The following HCRTR1 variants were observed in gnomAD, a reference collection of about 807,000 sequenced individuals.
HCRTR1 encodes hypocretin receptor 1, also known as orexin/Hypocretin receptor type 1.
In HCRTR1, 28 loss-of-function variants were observed where a neutral mutation model predicts 40.6. The observed-to-expected ratio is 0.69, with a 90% CI of 0.51 to 0.95. HCRTR1 has a LOEUF of 0.95. Among genes scored for constraint, HCRTR1 ranks in the 40% least tolerant of loss-of-function variants. The probability of loss-of-function intolerance (pLI) is 0.00; values close to 1 mark genes in which losing one functional copy is unlikely to be tolerated. For synonymous variants in HCRTR1, 209 were observed against 230.0 expected (o/e 0.91, Z 0.83); for missense variants, 482 against 564.7 (o/e 0.85, Z 1.48).
At chr1:31,619,439 T>A in intron 3 of HCRTR1, 48 bp downstream of exon 3, 1 of 1,612,590 alleles carries the variant, frequency 6.2e-7, no homozygotes, top group Non-Finnish European at 8.5e-7. Flanking sequence ...CCCTGGGGAT[T>A]GAAGGGGGTT....
chr1:31,620,084 GC>G, intron 4 of HCRTR1, among the ~76,000 whole-genome samples: 1 of 152,362 alleles, frequency 6.6e-6, no homozygotes, highest in East Asian at 1.9e-4. Flanking sequence ...GACGTGAGGG[GC>G]CTGATGGAAA....
intron 7 of HCRTR1, 101 bp downstream of exon 7, chr1:31,623,850 T>G: frequency 1.2e-6 from 1 of 835,808 alleles, no homozygotes; most frequent in Non-Finnish European, 1.9e-6. Flanking sequence ...TTCTCCACTA[T>G]GTGATCTTGG....
downstream of HCRTR1, among the ~76,000 whole-genome samples, chr1:31,628,267 T>C (rs1640018346): frequency 6.6e-6 from 1 of 152,208 alleles, no homozygotes; most frequent in Non-Finnish European, 1.5e-5. Context: ...CCAGGAGTGT[T>C]GAAGCACTGC....
At chr1:31,629,240 A>G (rs953109617), downstream of HCRTR1, among the ~76,000 whole-genome samples, 1 of 152,244 alleles carries the variant, frequency 6.6e-6, no homozygotes, top group South Asian at 2.1e-4. Context: ...ACTGACCTGC[A>G]AAACAGTCAT....
chr1:31,629,563 G>T (rs143578016), downstream of HCRTR1, among the ~76,000 whole-genome samples: 1 of 152,254 alleles, frequency 6.6e-6, no homozygotes, highest in East Asian at 1.9e-4. Context: ...TGAGAAAATA[G>T]AAAAGGCCAG....
downstream of HCRTR1, among the ~76,000 whole-genome samples, chr1:31,629,472 A>T (rs1052935890): frequency 6.6e-6 from 1 of 152,232 alleles, no homozygotes; most frequent in Non-Finnish European, 1.5e-5. Context: ...ACTTGCAAGT[A>T]CAGATGTCTG....
chr1:31,623,306 A>G (rs1639899594), intron 6 of HCRTR1, among the ~76,000 whole-genome samples: 1 of 151,974 alleles, frequency 6.6e-6, no homozygotes. Context: ...CAAAAAAAAA[A>G]AAAAAAGAAA....
At chr1:31,633,233 A>C, downstream of HCRTR1, 1 of 1,614,070 alleles carries the variant, frequency 6.2e-7, no homozygotes, top group Non-Finnish European at 8.5e-7. Context: ...TAGCTCCTTC[A>C]TGGAGATATA....
In HCRTR1 at chr1:31,617,816, G is replaced by A. The variant is rs1639763281; in HGVS notation, c.-269G>A. 6.6e-6 allele frequency: 1 copy of A among 152,174 alleles called. No individual in the cohort carries two copies. The highest frequency in any genetic ancestry group is 1.5e-5 in the Non-Finnish European group (1 of 68,024). 9.4% of individuals were successfully genotyped at this position (152,174 alleles called of 1,614,324 possible). A position where few individuals can be genotyped will look rare whatever the true frequency, so the allele number is the denominator to read the frequency against. ...AGAGGCTCGGCCTTCCTCGCAGGAA[G>A]GCGAAGTCCCCGGTGCCAGGTCCGG... On this transcript the variant is annotated 5_prime_UTR_variant, in exon 1 of 9. Transcript: ENST00000403528.
chr1:31,626,817 C>T lies in HCRTR1; in HGVS notation c.1115C>T (p.Ala372Val), dbSNP rs1435714128. Residue 372 changes from alanine (A) to valine (V), a missense_variant, in exon 9 of 9, where the codon GCC becomes GTC. By Grantham distance (64) the Ala-to-Val change is moderately conservative. Transcript: ENST00000403528. This position sits in a 1 kb window ranked among gnomAD's most constrained non-coding sequence, Gnocchi z 4.6. ...SGKFREQFKAAFSCCLPGLGP... is the reference protein window; with the variant it reads ...SGKFREQFKAVFSCCLPGLGP... Reference sequence around the variant, plus strand: ...AAATTCCGGGAGCAGTTTAAGGCTGCCTTCTCCTGCTGCCTGCCTGGCCTG... The same window carrying T: ...AAATTCCGGGAGCAGTTTAAGGCTGTCTTCTCCTGCTGCCTGCCTGGCCTG... The T allele has an allele frequency of 6.2e-7, 1 of 1,613,920 alleles. No homozygotes were observed. Among genetic ancestry groups the T allele is most frequent in the African/African-American group, 1.3e-5 (1 of 74,922 alleles).
In HCRTR1 at chr1:31,625,258, A is replaced by G; in HGVS notation, c.1087+140A>G. On this transcript the variant is annotated intron_variant, in intron 8 of 8. Coordinates refer to ENST00000403528, the MANE Select transcript of HCRTR1 (RefSeq NM_001525.3). The surrounding 1 kb of genome is among the most constrained non-coding windows in gnomAD (Gnocchi z 4.2). ...GTGGGCACAGTGATCCTGCTCTGGG[A>G]GGACCCACCCCAAGCGGCCCTGGCC... 1 of 1,090,954 alleles carries G rather than the reference A, an allele frequency of 9.2e-7. No individual in the cohort carries two copies. The highest frequency in any genetic ancestry group is 1.3e-6 in the Non-Finnish European group (1 of 793,684). 67.6% of individuals were successfully genotyped at this position (1,090,954 alleles called of 1,614,324 possible). A position where few individuals can be genotyped will look rare whatever the true frequency, so the allele number is the denominator to read the frequency against.
At chr1:31,630,255 A>C (rs1640057734), downstream of HCRTR1, 1 of 311,182 alleles carries the variant, frequency 3.2e-6, no homozygotes, top group Non-Finnish European at 6.3e-6. Context: ...TAACGGTAAC[A>C]GGCCGATGAA....
At chr1:31,630,879 A>T, downstream of HCRTR1, 2 of 1,507,762 alleles carry the variant, frequency 1.3e-6, 1 homozygote, top group Non-Finnish European at 1.8e-6. Flanking sequence ...ACACACAAAA[A>T]CCTGCCATGA....
At chr1:31,629,109 A>C (rs189598830), downstream of HCRTR1, among the ~76,000 whole-genome samples, 2 of 152,324 alleles carry the variant, frequency 1.3e-5, no homozygotes, top group Admixed American at 6.5e-5. Context: ...ACGGAATTTT[A>C]GCTCTGGATG....
At chr1:31,631,516 C>G (rs1169374552), downstream of HCRTR1, among the ~76,000 whole-genome samples, 2 of 152,150 alleles carry the variant, frequency 1.3e-5, no homozygotes. Flanking sequence ...AAAACCTCAG[C>G]TCTCCATTTG....
At chr1:31,621,712 C>A in intron 6 of HCRTR1, 120 bp downstream of exon 6, 1 of 732,808 alleles carries the variant, frequency 1.4e-6, no homozygotes. Context: ...TGGCTGCAAC[C>A]AAAGAGAGGG....
Position 31,623,437 on chromosome 1 carries a change from G to T in HCRTR1, c.739-86G>T, listed in dbSNP as rs979782618. The T allele has an allele frequency of 1.2e-5, 14 of 1,158,280 alleles. No individual in the cohort carries two copies. In the East Asian group the frequency reaches 1.8e-4, roughly 15 times the overall value. 71.8% of individuals were successfully genotyped at this position (1,158,280 alleles called of 1,614,324 possible). A position where few individuals can be genotyped will look rare whatever the true frequency, so the allele number is the denominator to read the frequency against. ...TTTGCCCATCTCCACCCTGCCCGGG[G>T]TCCAGCCTGGAGTAGGCCCCACAAA... On this transcript the variant is annotated intron_variant, in intron 6 of 8. Transcript: ENST00000403528.
rs1639764539 is a variant in HCRTR1 at position 31,617,895 on chromosome 1, G to C, written c.-204+14G>C. 6.6e-6 allele frequency: 1 copy of C among 152,224 alleles called. No homozygotes were observed. Among genetic ancestry groups the C allele is most frequent in the South Asian group, 2.1e-4 (1 of 4,834 alleles). 9.4% of individuals were successfully genotyped at this position (152,224 alleles called of 1,614,324 possible). A position where few individuals can be genotyped will look rare whatever the true frequency, so the allele number is the denominator to read the frequency against. On this transcript the variant is annotated intron_variant, in intron 1 of 8. Coordinates refer to ENST00000403528, the MANE Select transcript of HCRTR1 (RefSeq NM_001525.3). ...CGGAGCCAACAGGTGCGGGGTGTGGGGGACCCCCAGGCCTGGGATGGGGGT... is the reference window on the plus strand; with the variant it reads ...CGGAGCCAACAGGTGCGGGGTGTGGCGGACCCCCAGGCCTGGGATGGGGGT...
chr1:31,633,140 G>C (rs1640159489), downstream of HCRTR1: 8 of 1,606,866 alleles, frequency 5.0e-6, no homozygotes, highest in Non-Finnish European at 6.0e-6. Flanking sequence ...TCAGGCCCAA[G>C]GGCAAGGCGG....
Sources: allele counts gnomAD v4.1 joint callset (sites outside exome capture counted in the v4.1 genomes callset), GRCh38; gene constraint gnomAD v4.1.1; non-coding constraint Gnocchi (gnomAD v3.1); transcripts MANE v1.5; gene names NCBI Gene and HGNC (gene_info 2026-07-23, HGNC 2026-07-21).